Variants in EFNA5 observed in about 807,000 individuals in gnomAD.
The protein encoded by EFNA5 is ephrin-A5.
In EFNA5, 5 loss-of-function variants were observed where a neutral mutation model predicts 22.9. The observed-to-expected ratio is 0.22, with a 90% CI of 0.11 to 0.46. The LOEUF is 0.46. EFNA5 is among the 20% of genes least tolerant of loss of function. EFNA5 has a pLI of 0.99. For synonymous variants in EFNA5, 113 were observed against 112.2 expected (o/e 1.01, Z -0.04); for missense variants, 237 against 293.3 (o/e 0.81, Z 1.40).
intron 1 of EFNA5, among the ~76,000 whole-genome samples, chr5:107,569,585 A>ATATATT (rs1748751315): frequency 2.6e-5 from 1 of 38,504 alleles, no homozygotes; most frequent in Non-Finnish European, 8.9e-5. Flanking sequence ...ATATATATAT[A>ATATATT]TATATATATA....
rs531649104 is a variant in EFNA5 at position 107,385,920 on chromosome 5, G to A, written c.565+1315C>T. ...CTCATTGTACACACCTCTCATTTGC[G>A]CTCTGGGTGAGATGCCTGCCTTAGA... On this transcript the variant is annotated intron_variant, in intron 4 of 4. Transcript: ENST00000333274. Among the ~76,000 whole-genome samples, 81 of 152,152 alleles carry A rather than the reference G, an allele frequency of 5.3e-4. 1 individual carries two copies. The highest frequency in any genetic ancestry group is 3.4e-3 in the Middle Eastern group (1 of 294).
intron 1 of EFNA5, among the ~76,000 whole-genome samples, chr5:107,507,393 C>T (rs1008554303): frequency 2.0e-5 from 3 of 152,022 alleles, no homozygotes; most frequent in Middle Eastern, 3.2e-3. Context: ...TGGTATAAAA[C>T]AAATTATAAG....
At chr5:107,497,216 A>C (rs541746918) in intron 1 of EFNA5, among the ~76,000 whole-genome samples, 1 of 152,322 alleles carries the variant, frequency 6.6e-6, no homozygotes, top group Admixed American at 6.5e-5. Context: ...AGGACAAATA[A>C]ATCAACACAT....
intron 1 of EFNA5, among the ~76,000 whole-genome samples, chr5:107,452,144 T>C (rs1049854033): frequency 6.6e-6 from 1 of 151,896 alleles, no homozygotes; most frequent in South Asian, 2.1e-4. Context: ...TTCTCACTCA[T>C]AAGTAGGAGC....
chr5:107,524,902 T>C (rs1179053429), intron 1 of EFNA5, among the ~76,000 whole-genome samples: 1 of 152,202 alleles, frequency 6.6e-6, no homozygotes, highest in African/African-American at 2.4e-5. Context: ...ATTAAACTTC[T>C]AAAAATTAGT....
intron 1 of EFNA5, among the ~76,000 whole-genome samples, chr5:107,555,402 G>A (rs776003413): frequency 2.0e-5 from 3 of 152,172 alleles, no homozygotes; most frequent in African/African-American, 7.2e-5. Context: ...ATGCCATTTT[G>A]TGTACAGGAG....
At chr5:107,402,274 T>C (rs1424670464) in intron 2 of EFNA5, among the ~76,000 whole-genome samples, 1 of 152,202 alleles carries the variant, frequency 6.6e-6, no homozygotes, top group African/African-American at 2.4e-5. Context: ...CTAATTGCTC[T>C]AGCATAATAA....
In EFNA5 at chr5:107,377,541, T is replaced by C. The variant is rs1747299531; in HGVS notation, c.*3714A>G. The C allele has an allele frequency of 6.6e-6, 1 of 152,004 alleles. No homozygotes were observed. The highest frequency in any genetic ancestry group is 1.5e-5 in the Non-Finnish European group (1 of 67,992). 9.4% of individuals were successfully genotyped at this position (152,004 alleles called of 1,614,324 possible). ...AACTGTTTTTCTAATTATTTGAAAATAATACAAATGGCTGCTGCCGTTGCT... is the reference window on the plus strand; with the variant it reads ...AACTGTTTTTCTAATTATTTGAAAACAATACAAATGGCTGCTGCCGTTGCT... On this transcript the variant is annotated 3_prime_UTR_variant, in exon 5 of 5. Transcript: ENST00000333274.
At position 107,377,132 on chromosome 5, in the gene EFNA5, C is replaced by T. The variant is rs907144702; in HGVS notation, c.*4123G>A. On this transcript the variant is annotated 3_prime_UTR_variant, in exon 5 of 5. Coordinates refer to ENST00000333274, the MANE Select transcript of EFNA5 (RefSeq NM_001962.3). ...GCTGGACTTCACACCCAGACGCACA[C>T]ACAATGAGTGGCTTCAATGGGGTGT... is the stretch of plus-strand genomic sequence containing the variant. The T allele has an allele frequency of 2.6e-5, 4 of 152,110 alleles. No homozygotes were observed. The highest frequency in any genetic ancestry group is 2.1e-4 in the South Asian group (1 of 4,818). The allele number at this position is 152,110 out of a possible 1,614,324, so 9.4% of individuals were successfully genotyped here.
chr5:107,491,528 C>G (rs1015499755), intron 1 of EFNA5, among the ~76,000 whole-genome samples: 26 of 152,116 alleles, frequency 1.7e-4, no homozygotes, highest in African/African-American at 6.0e-4. Flanking sequence ...CCAAGCTGGT[C>G]CGGAACTCCT....
intron 1 of EFNA5, among the ~76,000 whole-genome samples, chr5:107,533,706 G>A (rs1305246515): frequency 2.0e-5 from 3 of 152,150 alleles, no homozygotes; most frequent in Non-Finnish European, 4.4e-5. Context: ...GTTTTATGTA[G>A]TTCCCATATA....
At chr5:107,612,474 TA>T (rs1343702069) in intron 1 of EFNA5, among the ~76,000 whole-genome samples, 6 of 151,792 alleles carry the variant, frequency 4.0e-5, no homozygotes, top group Non-Finnish European at 8.8e-5. Context: ...ACTGGTCAAG[TA>T]AAAATTCTTT....
At chr5:107,520,315 G>C (rs1233916071) in intron 1 of EFNA5, among the ~76,000 whole-genome samples, 1 of 151,906 alleles carries the variant, frequency 6.6e-6, no homozygotes, top group Non-Finnish European at 1.5e-5. Flanking sequence ...AAAAGGGTGG[G>C]GCCCTTCACT....
At chr5:107,518,272 GAAAAA>G (rs60332450) in intron 1 of EFNA5, among the ~76,000 whole-genome samples, 1 of 132,354 alleles carries the variant, frequency 7.6e-6, no homozygotes, top group African/African-American at 2.7e-5. Flanking sequence ...GCCCCACTCG[GAAAAA>G]AAAAAAAAAA....
chr5:107,594,079 G>GA (rs1172650393), intron 1 of EFNA5, among the ~76,000 whole-genome samples: 1 of 152,022 alleles, frequency 6.6e-6, no homozygotes, highest in Non-Finnish European at 1.5e-5. Context: ...AACTTGAATG[G>GA]AAAAAAGGCA....
chr5:107,416,992 T>C (rs1042553484), intron 2 of EFNA5, among the ~76,000 whole-genome samples: 1 of 147,762 alleles, frequency 6.8e-6, no homozygotes, highest in African/African-American at 2.5e-5. Flanking sequence ...AAATGAACTT[T>C]TAAAAATGTC....
chr5:107,623,253 C>A (rs1488167501), intron 1 of EFNA5, among the ~76,000 whole-genome samples: 3 of 152,054 alleles, frequency 2.0e-5, no homozygotes, highest in African/African-American at 7.2e-5. Flanking sequence ...TAAGATTCAT[C>A]TCTCTGAATA....
intron 2 of EFNA5, among the ~76,000 whole-genome samples, chr5:107,403,285 C>T (rs2112391714): frequency 6.6e-6 from 1 of 152,298 alleles, no homozygotes; most frequent in African/African-American, 2.4e-5. Context: ...AAAACAAGAA[C>T]ACATCTCTGG....
At chr5:107,638,857 T>A (rs1750442190) in intron 1 of EFNA5, among the ~76,000 whole-genome samples, 1 of 151,974 alleles carries the variant, frequency 6.6e-6, no homozygotes, top group Non-Finnish European at 1.5e-5. Context: ...CACAAAAAAA[T>A]AAGTATGTGA....
Sources: allele counts gnomAD v4.1 joint callset (sites outside exome capture counted in the v4.1 genomes callset), GRCh38; gene constraint gnomAD v4.1.1; transcripts MANE v1.5; gene names NCBI Gene and HGNC (gene_info 2026-07-23, HGNC 2026-07-21).